The following NRXN3 variants were observed in gnomAD, a reference collection of about 807,000 sequenced individuals.
The protein encoded by NRXN3 is neurexin III.
In NRXN3, 32 loss-of-function variants were observed where a neutral mutation model predicts 137.6. That is an observed-to-expected ratio of 0.23 (90% confidence interval 0.18 to 0.31). The LOEUF is 0.31. Ranked by LOEUF, NRXN3 falls within the 10% of genes least tolerant of loss-of-function variation. NRXN3 has a pLI of 1.00. For missense variants in NRXN3, 1,574 were observed against 2,062.5 expected, an observed-to-expected ratio of 0.76 and a Z score of 4.59; for synonymous variants, 798 against 784.5, an observed-to-expected ratio of 1.02 and a Z score of -0.29.
intron 19 of NRXN3, among the ~76,000 whole-genome samples, chr14:79,800,299 G>A (rs1422836475): frequency 1.3e-5 from 2 of 152,154 alleles, no homozygotes; most frequent in Non-Finnish European, 2.9e-5. Context: ...GTGGATGGTG[G>A]ACAGTTAAAA....
Position 78,212,401 on chromosome 14 carries a change from A to T in NRXN3, c.-703-29990A>T, listed in dbSNP as rs116557851. Among the ~76,000 whole-genome samples the T allele has an allele frequency of 6.9e-3, 1,052 of 152,304 alleles. 18 individuals carry two copies. The highest frequency in any genetic ancestry group is 0.024 in the African/African-American group (1,007 of 41,548). ...ATTAATGGCTTGAGGCTTCCTCAAAAACAAGTGATTCAAACCCAGTCTGTA... is the reference window on the plus strand; with the variant it reads ...ATTAATGGCTTGAGGCTTCCTCAAATACAAGTGATTCAAACCCAGTCTGTA... On this transcript the variant is annotated intron_variant, in intron 1 of 20. Transcript: ENST00000335750.
At chr14:78,270,785 T>C (rs1053301409) in intron 2 of NRXN3, among the ~76,000 whole-genome samples, 2 of 152,260 alleles carry the variant, frequency 1.3e-5, no homozygotes, top group East Asian at 3.8e-4. Flanking sequence ...ATCAGTTCTG[T>C]TACAACACTT....
At chr14:79,210,137 C>T (rs1251597231) in intron 15 of NRXN3, among the ~76,000 whole-genome samples, 1 of 152,140 alleles carries the variant, frequency 6.6e-6, no homozygotes, top group Non-Finnish European at 1.5e-5. Flanking sequence ...ACCTTAATTT[C>T]TTCAGTCCCT....
chr14:78,476,741 T>C (rs1422149024), intron 4 of NRXN3, among the ~76,000 whole-genome samples: 2 of 152,214 alleles, frequency 1.3e-5, no homozygotes, highest in African/African-American at 4.8e-5. Context: ...GCAGGGCAAG[T>C]GTTATTATAA....
intron 4 of NRXN3, 143 bp downstream of exon 4, chr14:78,298,003 C>A: frequency 2.3e-6 from 2 of 871,644 alleles, no homozygotes; most frequent in Non-Finnish European, 1.7e-6. Flanking sequence ...GCAGGACCAC[C>A]CTGCAGTGGG....
At chr14:78,199,981 G>A (rs961413927) in intron 1 of NRXN3, among the ~76,000 whole-genome samples, 3 of 152,190 alleles carry the variant, frequency 2.0e-5, no homozygotes, top group African/African-American at 7.2e-5. Context: ...CTGGAAGAGG[G>A]GAATGAATGG....
chr14:78,334,953 A>G (rs2081282386), intron 4 of NRXN3, among the ~76,000 whole-genome samples: 1 of 152,200 alleles, frequency 6.6e-6, no homozygotes, highest in African/African-American at 2.4e-5. Context: ...TGGACCAGAG[A>G]ATCGCTCTCC....
chr14:78,393,197 C>CT (rs1275807815), intron 4 of NRXN3, among the ~76,000 whole-genome samples: 3 of 149,986 alleles, frequency 2.0e-5, no homozygotes, highest in African/African-American at 7.4e-5. Context: ...TTTTTTTTTA[C>CT]TTTTTTTAAA....
At chr14:79,253,814 A>C (rs1212815478) in intron 15 of NRXN3, among the ~76,000 whole-genome samples, 2 of 152,178 alleles carry the variant, frequency 1.3e-5, no homozygotes, top group Non-Finnish European at 2.9e-5. Context: ...CTCCCACCAG[A>C]TCCCTCCAAC....
intron 8 of NRXN3, among the ~76,000 whole-genome samples, chr14:78,798,881 C>T (rs143747525): frequency 2.6e-5 from 4 of 152,320 alleles, no homozygotes; most frequent in East Asian, 1.9e-4. Context: ...TTAGCCATAG[C>T]GTGAGTGGTT....
At chr14:79,026,953 TATATATATATATATA>T (rs2099599247) in intron 15 of NRXN3, among the ~76,000 whole-genome samples, 5 of 132 alleles carry the variant, frequency 0.038, no homozygotes, top group African/African-American at 0.06. Flanking sequence ...TATAATTTTA[TATATATATATATATA>T]TATATATATA....
chr14:78,919,024 C>A (rs868485788), intron 10 of NRXN3, among the ~76,000 whole-genome samples: 5 of 152,054 alleles, frequency 3.3e-5, no homozygotes, highest in Non-Finnish European at 7.4e-5. Context: ...AGCATGTGAT[C>A]CCAAATATAA....
At chr14:79,508,635 G>T (rs550850780) in intron 16 of NRXN3, among the ~76,000 whole-genome samples, 1 of 151,276 alleles carries the variant, frequency 6.6e-6, no homozygotes, top group African/African-American at 2.4e-5. Flanking sequence ...CAGGTGATCC[G>T]CCCGCCTCGG....
At chr14:78,382,619 T>A (rs1442401768) in intron 4 of NRXN3, among the ~76,000 whole-genome samples, 1 of 152,218 alleles carries the variant, frequency 6.6e-6, no homozygotes, top group Admixed American at 6.5e-5. Flanking sequence ...TATGGCTAAA[T>A]GTCCATATAC....
intron 2 of NRXN3, among the ~76,000 whole-genome samples, chr14:78,271,953 TG>T (rs2072828436): frequency 6.6e-6 from 1 of 152,218 alleles, no homozygotes; most frequent in Non-Finnish European, 1.5e-5. Context: ...TCCTCACTGC[TG>T]GAAGTTTGCT....
intron 1 of NRXN3, among the ~76,000 whole-genome samples, chr14:78,206,998 C>T (rs1595905567): frequency 2.0e-5 from 3 of 151,878 alleles, no homozygotes; most frequent in South Asian, 2.1e-4. Flanking sequence ...TGAGCACCTG[C>T]GATTACAGGT....
intron 16 of NRXN3, among the ~76,000 whole-genome samples, chr14:79,477,333 A>G (rs993970959): frequency 6.6e-6 from 1 of 152,114 alleles, no homozygotes; most frequent in Non-Finnish European, 1.5e-5. Flanking sequence ...TTTAGGGGCA[A>G]TTGGTCTCTG....
chr14:79,412,669 G>T (rs2095434090), intron 15 of NRXN3, among the ~76,000 whole-genome samples: 1 of 149,472 alleles, frequency 6.7e-6, no homozygotes, highest in Admixed American at 6.8e-5. Context: ...CCCAATCCCA[G>T]CTACTAGGGA....
chr14:79,404,884 C>A (rs1400620366), intron 15 of NRXN3, among the ~76,000 whole-genome samples: 1 of 152,154 alleles, frequency 6.6e-6, no homozygotes, highest in Non-Finnish European at 1.5e-5. Context: ...CATACATGTG[C>A]AGGCCCGTGT....
Sources: gnomAD v4.1 joint callset for allele counts (sites outside exome capture counted in the v4.1 genomes callset) on GRCh38, gnomAD v4.1.1 for gene constraint, MANE v1.5 for transcripts, NCBI Gene and HGNC (gene_info 2026-07-23, HGNC 2026-07-21) for gene names.